SGCZ: variants seen among roughly 807,000 people sequenced by gnomAD.
SGCZ encodes the protein sarcoglycan zeta.
A neutral mutation model predicts 41.3 loss-of-function variants in SGCZ; 40 were observed. That is an observed-to-expected ratio of 0.97 (90% CI 0.75 to 1.26). The LOEUF (loss-of-function observed/expected upper bound fraction) is 1.26. Ranked by LOEUF, SGCZ falls within the 50% of genes most tolerant of loss-of-function variation. The pLI is 0.00. For synonymous variants in SGCZ, 206 were observed against 137.5 expected (o/e 1.50, Z -3.49); for missense variants, 552 against 369.8 (o/e 1.49, Z -4.04).
chr8:14,745,051 G>A lies in SGCZ; in HGVS notation c.40-190125C>T, dbSNP rs150924440. ...AGACTGGATATTTACTCTGTATAAC[G>A]TAAATGTATTATTTCATCAACAATT... On this transcript the variant is annotated intron_variant, in intron 1 of 7. Coordinates refer to ENST00000382080, the MANE Select transcript of SGCZ (RefSeq NM_139167.4). Among the ~76,000 whole-genome samples the A allele has an allele frequency of 5.3e-5, 8 of 152,230 alleles. No homozygotes were observed. The East Asian group carries it at 9.7e-4, about 18-fold the overall frequency.
chr8:14,682,608 G>C (rs1265172542), intron 1 of SGCZ, among the ~76,000 whole-genome samples: 1 of 151,946 alleles, frequency 6.6e-6, no homozygotes, highest in South Asian at 2.1e-4. Context: ...CTAATTTTTT[G>C]TATTTTTAGT....
intron 2 of SGCZ, among the ~76,000 whole-genome samples, chr8:14,541,033 T>C (rs1258489325): frequency 6.6e-6 from 1 of 151,116 alleles, no homozygotes; most frequent in Non-Finnish European, 1.5e-5. Flanking sequence ...TATGTATATA[T>C]GTATATATAA....
At chr8:15,032,642 C>G (rs1276152278) in intron 1 of SGCZ, among the ~76,000 whole-genome samples, 1 of 152,128 alleles carries the variant, frequency 6.6e-6, no homozygotes, top group Non-Finnish European at 1.5e-5. Flanking sequence ...TCTATGCTGC[C>G]CACAGGGGCC....
intron 5 of SGCZ, among the ~76,000 whole-genome samples, chr8:14,127,385 A>T (rs190732062): frequency 3.2e-4 from 49 of 152,298 alleles, no homozygotes; most frequent in African/African-American, 1.2e-3. Flanking sequence ...GGCAAAGCAT[A>T]TGCCAATATG....
chr8:14,928,390 G>C (rs1056598174), intron 1 of SGCZ, among the ~76,000 whole-genome samples: 3 of 152,050 alleles, frequency 2.0e-5, no homozygotes, highest in Non-Finnish European at 4.4e-5. Flanking sequence ...ACATTCTACA[G>C]AGTTCTACAC....
At chr8:14,978,966 T>G (rs1434374444) in intron 1 of SGCZ, among the ~76,000 whole-genome samples, 1 of 152,064 alleles carries the variant, frequency 6.6e-6, no homozygotes. Flanking sequence ...GCCCAACTAA[T>G]GTTTATATTT....
chr8:15,097,946 T>G (rs1399598904), intron 1 of SGCZ, among the ~76,000 whole-genome samples: 1 of 145,464 alleles, frequency 6.9e-6, no homozygotes, highest in Non-Finnish European at 1.5e-5. Context: ...ACATACACCA[T>G]TGCTAGAAAA....
At position 14,369,101 on chromosome 8, in the gene SGCZ, T is replaced by A. The variant is rs1203537296; in HGVS notation, c.235-44897A>T. Among the ~76,000 whole-genome samples the A allele has an allele frequency of 2.0e-5, 3 of 151,384 alleles. No homozygotes were observed. In the East Asian group the frequency reaches 5.8e-4, roughly 29 times the overall value. On this transcript the variant is annotated intron_variant, in intron 2 of 7. Coordinates refer to ENST00000382080, the MANE Select transcript of SGCZ (RefSeq NM_139167.4). Reference sequence around the variant, plus strand: ...ATTTTCTTATTAAATATAGTACAAATATGAAAATTGGGAAATTAACACCTA... The same window carrying A: ...ATTTTCTTATTAAATATAGTACAAAAATGAAAATTGGGAAATTAACACCTA...
At chr8:15,094,817 T>C (rs1463534994) in intron 1 of SGCZ, among the ~76,000 whole-genome samples, 1 of 152,170 alleles carries the variant, frequency 6.6e-6, no homozygotes, top group Admixed American at 6.5e-5. Flanking sequence ...CCCTTCGCTC[T>C]GACCCATTCT....
chr8:14,090,900 G>A (rs1801669690), intron 7 of SGCZ, among the ~76,000 whole-genome samples: 1 of 151,912 alleles, frequency 6.6e-6, no homozygotes, highest in South Asian at 2.1e-4. Flanking sequence ...CGCTTAAGGG[G>A]CCAACCCAGT....
chr8:14,342,753 C>A (rs1161956479), intron 2 of SGCZ, among the ~76,000 whole-genome samples: 2 of 152,186 alleles, frequency 1.3e-5, no homozygotes, highest in South Asian at 2.1e-4. Flanking sequence ...AAGAAAAACC[C>A]ATTTTCTGGG....
chr8:15,046,435 G>C (rs1804303061), intron 1 of SGCZ, among the ~76,000 whole-genome samples: 1 of 151,800 alleles, frequency 6.6e-6, no homozygotes, highest in Admixed American at 6.6e-5. Context: ...TCTATGAGTT[G>C]TAATCTATTA....
chr8:14,811,480 C>T (rs536403662), intron 1 of SGCZ, among the ~76,000 whole-genome samples: 1 of 135,964 alleles, frequency 7.4e-6, no homozygotes, highest in South Asian at 2.4e-4. Flanking sequence ...TACTAAGTGA[C>T]TTGCCTACCA....
intron 1 of SGCZ, among the ~76,000 whole-genome samples, chr8:14,998,407 A>G (rs1802295213): frequency 6.6e-6 from 1 of 152,216 alleles, no homozygotes; most frequent in Non-Finnish European, 1.5e-5. Flanking sequence ...TAGTTTATAT[A>G]TACATTTGTT....
At chr8:14,447,972 G>A (rs967435212) in intron 2 of SGCZ, among the ~76,000 whole-genome samples, 5 of 152,044 alleles carry the variant, frequency 3.3e-5, no homozygotes, top group African/African-American at 7.2e-5. Flanking sequence ...GAGCCCAAAC[G>A]GAAATGTACA....
chr8:14,737,638 C>G (rs1236744154), intron 1 of SGCZ, among the ~76,000 whole-genome samples: 1 of 152,016 alleles, frequency 6.6e-6, no homozygotes, highest in Non-Finnish European at 1.5e-5. Context: ...CTTCTGAGGC[C>G]TCTCTCCTTG....
intron 1 of SGCZ, among the ~76,000 whole-genome samples, chr8:15,068,748 C>A (rs1346458457): frequency 6.6e-6 from 1 of 152,122 alleles, no homozygotes; most frequent in Non-Finnish European, 1.5e-5. Context: ...ACATTAAGAC[C>A]ATTTAAGACA....
chr8:15,007,718 T>C (rs1802655521), intron 1 of SGCZ, among the ~76,000 whole-genome samples: 1 of 152,182 alleles, frequency 6.6e-6, no homozygotes, highest in South Asian at 2.1e-4. Flanking sequence ...TGTCATAATA[T>C]TAAAATAAGT....
At chr8:14,186,578 G>C (rs949197011) in intron 4 of SGCZ, among the ~76,000 whole-genome samples, 1 of 152,136 alleles carries the variant, frequency 6.6e-6, no homozygotes, top group Non-Finnish European at 1.5e-5. Context: ...CAAGTGCTTA[G>C]TTCCTAAGCA....
Sources: allele counts gnomAD v4.1 joint callset (sites outside exome capture counted in the v4.1 genomes callset), GRCh38; gene constraint gnomAD v4.1.1; transcripts MANE v1.5; gene names NCBI Gene and HGNC (gene_info 2026-07-23, HGNC 2026-07-21).